The following PLXNA4 variants were observed in gnomAD, a reference collection of about 807,000 sequenced individuals.
PLXNA4 encodes plexin-A4.
Under a neutral mutation model 191.8 loss-of-function variants are expected in PLXNA4, and 44 were observed. The ratio of observed to expected loss-of-function variants is 0.23; its 90% CI spans 0.18 to 0.29. The LOEUF (loss-of-function observed/expected upper bound fraction) is 0.29, where lower values mean the gene tolerates loss of function less well. PLXNA4 is among the 10% of genes least tolerant of loss of function. PLXNA4 has a pLI of 1.00. For synonymous variants in PLXNA4, 1,082 were observed against 1,009.5 expected (o/e 1.07, Z -1.36); for missense variants, 1,800 against 2,488.8 (o/e 0.72, Z 5.89).
intron 4 of PLXNA4, 135 bp downstream of exon 4, chr7:132,297,943 CATAACTGAAAAGT>C: frequency 5.1e-6 from 5 of 972,700 alleles, no homozygotes; most frequent in Middle Eastern, 5.2e-4. Flanking sequence ...CCCCAGGCAG[CATAACTGAAAAGT>C]ATAACTGAAA....
chr7:132,240,486 C>G (rs575061380), intron 5 of PLXNA4, among the ~76,000 whole-genome samples: 26 of 152,326 alleles, frequency 1.7e-4, no homozygotes, highest in Admixed American at 8.5e-4. Flanking sequence ...TGACTCCAGC[C>G]CAAGTGCACT....
At chr7:132,269,091 C>T (rs1799963301) in intron 4 of PLXNA4, among the ~76,000 whole-genome samples, 1 of 152,172 alleles carries the variant, frequency 6.6e-6, no homozygotes, top group Non-Finnish European at 1.5e-5. Context: ...CCACCTCTGG[C>T]TCTCCACATT....
chr7:132,192,330 A>G (rs2116813768), intron 14 of PLXNA4, among the ~76,000 whole-genome samples: 1 of 152,276 alleles, frequency 6.6e-6, no homozygotes, highest in Non-Finnish European at 1.5e-5. Context: ...CAATTAAACA[A>G]GCACTCATTA....
intron 2 of PLXNA4, among the ~76,000 whole-genome samples, chr7:132,600,790 G>C (rs899298408): frequency 1.3e-5 from 2 of 151,910 alleles, no homozygotes; most frequent in African/African-American, 2.4e-5. Flanking sequence ...TTTGTCTATA[G>C]TTCTTTAAAT....
In PLXNA4 at chr7:132,309,537, G is replaced by A. The variant is rs555561853; in HGVS notation, c.1372-11315C>T. Among the ~76,000 whole-genome samples the A allele has an allele frequency of 2.1e-3, 314 of 152,182 alleles. 1 individual carries two copies. Among genetic ancestry groups the A allele is most frequent in the Non-Finnish European group, 3.3e-3 (223 of 68,000 alleles). On this transcript the variant is annotated intron_variant, in intron 3 of 31. Coordinates refer to ENST00000321063, the MANE Select transcript of PLXNA4 (RefSeq NM_020911.2). ...GGGGAGGCTACCTCCTCTCCTCTCT[G>A]CCCACACAACTGTTGCAGTGACAAA... is the stretch of plus-strand genomic sequence containing the variant.
chr7:132,272,324 AC>A (rs946153559), intron 4 of PLXNA4, among the ~76,000 whole-genome samples: 3 of 152,246 alleles, frequency 2.0e-5, no homozygotes, highest in Non-Finnish European at 4.4e-5. Flanking sequence ...CTTTACAAGT[AC>A]ATTACAAACT....
chr7:132,581,767 G>T (rs1402307731), upstream of PLXNA4, among the ~76,000 whole-genome samples: 1 of 151,976 alleles, frequency 6.6e-6, no homozygotes, highest in African/African-American at 2.4e-5. Flanking sequence ...TGATCCTCTG[G>T]GCACCAAAAT....
intron 4 of PLXNA4, among the ~76,000 whole-genome samples, chr7:132,264,823 A>C (rs1197661624): frequency 6.6e-6 from 1 of 151,106 alleles, no homozygotes; most frequent in Non-Finnish European, 1.5e-5. Flanking sequence ...TCAGCCTCCC[A>C]AGTAGCTGGG....
chr7:132,563,776 C>T (rs1426324719), intron 1 of PLXNA4, among the ~76,000 whole-genome samples: 1 of 92,490 alleles, frequency 1.1e-5, no homozygotes, highest in Non-Finnish European at 2.2e-5. Flanking sequence ...CCTCTTCCTC[C>T]TCCTCTTCCT....
At chr7:132,223,207 T>G (rs1798202517) in intron 9 of PLXNA4, among the ~76,000 whole-genome samples, 1 of 152,164 alleles carries the variant, frequency 6.6e-6, no homozygotes, top group Non-Finnish European at 1.5e-5. Flanking sequence ...TACTTACAAT[T>G]ATTTCTAGGA....
chr7:132,187,603 A>G lies in PLXNA4; in HGVS notation c.2861T>C (p.Leu954Pro), dbSNP rs1796922301. ...RSSQLYYFMT[L>P]TLSDLKPSRG... is the part of the protein sequence containing the mutation. The stretch of plus-strand genomic sequence containing the variant: ...GCTGGGCTTCAGATCTGAGAGAGTC[A>G]GTGTCTGTGTAGAAAGGATGTGGCC... Residue 954 changes from leucine to proline, a missense_variant, in exon 15 of 32, where the codon CTG becomes CCG. Leu to Pro is a moderately conservative substitution (Grantham distance 98). This residue lies in a region of PLXNA4 where 1,397 missense variants were observed against 1,880.4 expected (regional missense o/e 0.74). Transcript: ENST00000321063. 5.6e-6 allele frequency: 9 copies of G among 1,612,786 alleles called. No homozygotes were observed. Among genetic ancestry groups the G allele is most frequent in the Non-Finnish European group, 6.8e-6 (8 of 1,179,326 alleles).
intron 3 of PLXNA4, among the ~76,000 whole-genome samples, chr7:132,425,336 A>T (rs1330659316): frequency 6.6e-6 from 1 of 152,140 alleles, no homozygotes; most frequent in African/African-American, 2.4e-5. Flanking sequence ...CACAGCTTGG[A>T]GACACTTTTA....
chr7:132,439,333 C>T (rs924585373), intron 3 of PLXNA4, among the ~76,000 whole-genome samples: 22 of 152,156 alleles, frequency 1.4e-4, no homozygotes, highest in Non-Finnish European at 3.2e-4. Context: ...GCAAACTGGT[C>T]TCTCAGAATG....
At chr7:132,583,290 A>C (rs1802441540) in intron 2 of PLXNA4, among the ~76,000 whole-genome samples, 1 of 152,134 alleles carries the variant, frequency 6.6e-6, no homozygotes, top group Admixed American at 6.5e-5. Flanking sequence ...CCTACATCTG[A>C]TCCTAACCCG....
At chr7:132,462,755 T>C (rs988293545) in intron 3 of PLXNA4, among the ~76,000 whole-genome samples, 19 of 152,046 alleles carry the variant, frequency 1.2e-4, no homozygotes, top group African/African-American at 4.6e-4. Flanking sequence ...AATAATTTTT[T>C]GAAGATGATA....
intron 1 of PLXNA4, among the ~76,000 whole-genome samples, chr7:132,533,653 C>T (rs1461783091): frequency 1.3e-5 from 2 of 152,236 alleles, no homozygotes; most frequent in African/African-American, 4.8e-5. Context: ...CTGCCCACCT[C>T]GGGGAGCTCT....
chr7:132,562,056 T>C (rs1585342004), intron 1 of PLXNA4, among the ~76,000 whole-genome samples: 1 of 112,016 alleles, frequency 8.9e-6, no homozygotes, highest in Non-Finnish European at 1.8e-5. Flanking sequence ...CTCCTCTCCC[T>C]CCTCCTTCTC....
chr7:132,422,879 G>T (rs552905803), intron 3 of PLXNA4, among the ~76,000 whole-genome samples: 1 of 152,202 alleles, frequency 6.6e-6, no homozygotes, highest in Non-Finnish European at 1.5e-5. Context: ...ATGGACAAAC[G>T]TGCTGGCCTA....
At chr7:132,160,695 C>G (rs1795924067) in intron 24 of PLXNA4, among the ~76,000 whole-genome samples, 2 of 152,148 alleles carry the variant, frequency 1.3e-5, no homozygotes, top group African/African-American at 4.8e-5. Flanking sequence ...AGAGAGCCCT[C>G]TGTGTGTCTC....
Sources: gnomAD v4.1 joint callset for allele counts (sites outside exome capture counted in the v4.1 genomes callset) on GRCh38, gnomAD v4.1.1 for gene constraint, gnomAD v4.1.1 regional missense constraint, MANE v1.5 for transcripts, NCBI Gene and HGNC (gene_info 2026-07-23, HGNC 2026-07-21) for gene names.